Variants in CTNNA3 observed in about 807,000 individuals in gnomAD.
The protein encoded by CTNNA3 is catenin alpha-3.
In CTNNA3, 76 loss-of-function variants were observed where a neutral mutation model predicts 95.7. The ratio of observed to expected loss-of-function variants is 0.79; its 90% CI spans 0.66 to 0.96. CTNNA3 has a LOEUF of 0.96. CTNNA3 is among the 40% of genes least tolerant of loss of function. CTNNA3 has a pLI of 0.00. For missense variants in CTNNA3, 1,191 were observed against 1,089.8 expected, an observed-to-expected ratio of 1.09 and a Z score of -1.31; for synonymous variants, 431 against 374.4, an observed-to-expected ratio of 1.15 and a Z score of -1.74.
At chr10:67,097,499 A>G in intron 7 of CTNNA3, 1 of 1,116,084 alleles carries the variant, frequency 9.0e-7, no homozygotes. Context: ...CATGGAGGTT[A>G]GTCAGGTCAG....
Position 66,188,595 on chromosome 10 carries a change from C to CTGTGTGTGTG in CTNNA3, c.1885-85356_1885-85347dup, listed in dbSNP as rs71035114. ...GTGTGTGTGGGGGGAGGGGGGGTCT[C>CTGTGTGTGTG]TGTGTGTGTGTGTGTGTGTGTGTGT... On this transcript the variant is annotated intron_variant, in intron 13 of 17. Coordinates refer to ENST00000433211, the MANE Select transcript of CTNNA3 (RefSeq NM_013266.4). Among the ~76,000 whole-genome samples, 758 of 121,062 alleles carry CTGTGTGTGTG rather than the reference C, an allele frequency of 6.3e-3. 7 individuals carry two copies. Among genetic ancestry groups the CTGTGTGTGTG allele is most frequent in the Middle Eastern group, 0.021 (5 of 242 alleles). 79.4% of individuals were successfully genotyped at this position (121,062 alleles called of 152,430 possible). A position where few individuals can be genotyped will look rare whatever the true frequency, so the allele number is the denominator to read the frequency against.
At chr10:67,711,593 T>A (rs1411951566) in intron 1 of CTNNA3, among the ~76,000 whole-genome samples, 2 of 140,608 alleles carry the variant, frequency 1.4e-5, no homozygotes, top group African/African-American at 2.6e-5. Flanking sequence ...TTATTTATTT[T>A]TTATTATACT....
At chr10:66,050,575 G>T (rs2079929671) in intron 15 of CTNNA3, among the ~76,000 whole-genome samples, 1 of 152,068 alleles carries the variant, frequency 6.6e-6, no homozygotes, top group Non-Finnish European at 1.5e-5. Context: ...GGGACGACAG[G>T]CTAGGGCCAC....
chr10:66,069,529 T>A (rs770443052), intron 14 of CTNNA3, 40 bp from the exon 15 acceptor site: 1 of 1,479,792 alleles, frequency 6.8e-7, no homozygotes, highest in East Asian at 2.3e-5. Context: ...CATTCCACTA[T>A]GTCAAAAGCA....
chr10:67,199,938 G>T (rs114420667), intron 6 of CTNNA3, among the ~76,000 whole-genome samples: 1 of 152,060 alleles, frequency 6.6e-6, no homozygotes, highest in Non-Finnish European at 1.5e-5. Flanking sequence ...TTTCTTATCA[G>T]GATATTATAA....
chr10:67,108,435 A>G (rs1423634949), intron 7 of CTNNA3, among the ~76,000 whole-genome samples: 3 of 152,110 alleles, frequency 2.0e-5, no homozygotes, highest in African/African-American at 2.4e-5. Context: ...ATTTTATACT[A>G]TATAATGATA....
intron 7 of CTNNA3, among the ~76,000 whole-genome samples, chr10:66,852,135 T>TA (rs1264163634): frequency 3.3e-5 from 5 of 152,302 alleles, no homozygotes; most frequent in African/African-American, 1.2e-4. Context: ...AACATTATGA[T>TA]AAAAAAGCTC....
chr10:67,534,336 A>C (rs773095525), intron 4 of CTNNA3, among the ~76,000 whole-genome samples: 11 of 152,166 alleles, frequency 7.2e-5, no homozygotes, highest in Non-Finnish European at 1.3e-4. Flanking sequence ...ACTGAAGAAA[A>C]TACCTTAAGG....
intron 16 of CTNNA3, among the ~76,000 whole-genome samples, chr10:65,979,091 T>C (rs1386507604): frequency 6.6e-6 from 1 of 152,188 alleles, no homozygotes; most frequent in Admixed American, 6.5e-5. Flanking sequence ...CCAGAAGTTA[T>C]ATATGCTGTT....
chr10:66,068,181 T>C (rs1172212985), intron 15 of CTNNA3, among the ~76,000 whole-genome samples: 1 of 152,104 alleles, frequency 6.6e-6, no homozygotes, highest in East Asian at 1.9e-4. Context: ...ATTTTTCAAA[T>C]ATTTGTCTGC....
Position 66,003,329 on chromosome 10 carries a change from G to GGT in CTNNA3, c.2160-14534_2160-14533dup, listed in dbSNP as rs376512211. 5.5e-3 allele frequency among the ~76,000 whole-genome samples: 820 copies of GGT among 149,926 alleles called. 2 individuals are homozygous for GGT. Among genetic ancestry groups the GGT allele is most frequent in the African/African-American group, 0.014 (579 of 40,918 alleles). On this transcript the variant is annotated intron_variant, in intron 15 of 17. Transcript: ENST00000433211. ...TGGTGGCGGTGGTGGTGGTGGTGGT[G>GGT]GTGTGTGTGTGTGTGTGTGGAGAGA...
intron 5 of CTNNA3, among the ~76,000 whole-genome samples, chr10:67,401,843 T>C (rs866009791): frequency 2.8e-4 from 43 of 152,334 alleles, no homozygotes; most frequent in Middle Eastern, 3.4e-3. Context: ...ATCACTTTAC[T>C]AATCCTGCCC....
At chr10:66,315,527 T>G (rs2092089111) in intron 12 of CTNNA3, among the ~76,000 whole-genome samples, 1 of 151,762 alleles carries the variant, frequency 6.6e-6, no homozygotes. Flanking sequence ...TGTGTGTGTG[T>G]GTGTAAATAA....
chr10:66,342,775 T>G (rs191234144), intron 12 of CTNNA3, among the ~76,000 whole-genome samples: 61 of 152,166 alleles, frequency 4.0e-4, no homozygotes, highest in Non-Finnish European at 7.4e-4. Flanking sequence ...ACAGGATCCT[T>G]TATTTCTCTT....
intron 15 of CTNNA3, among the ~76,000 whole-genome samples, chr10:66,053,186 T>G (rs1373706344): frequency 6.6e-6 from 1 of 151,272 alleles, no homozygotes; most frequent in African/African-American, 2.4e-5. Flanking sequence ...GAGATCACCT[T>G]TTTCTATAAA....
chr10:66,084,772 C>G (rs1484716748), intron 14 of CTNNA3: 1 of 152,094 alleles, frequency 6.6e-6, no homozygotes, highest in East Asian at 1.9e-4. Context: ...TTGTTCGGGT[C>G]AATTTGTAAA....
At chr10:67,685,977 T>A (rs1448004274) in intron 1 of CTNNA3, among the ~76,000 whole-genome samples, 2 of 152,348 alleles carry the variant, frequency 1.3e-5, no homozygotes, top group Non-Finnish European at 2.9e-5. Context: ...TCTTTGACTT[T>A]GTCTCTCTCT....
intron 5 of CTNNA3, among the ~76,000 whole-genome samples, chr10:67,412,266 CCTT>C (rs1201317682): frequency 2.6e-5 from 4 of 151,906 alleles, no homozygotes; most frequent in Non-Finnish European, 4.4e-5. Context: ...CATGTCTTTG[CCTT>C]CTTGTTTCAT....
At chr10:67,724,513 G>C (rs982874821) in intron 1 of CTNNA3, among the ~76,000 whole-genome samples, 24 of 152,118 alleles carry the variant, frequency 1.6e-4, no homozygotes, top group African/African-American at 5.6e-4. Flanking sequence ...CCCACCCCAA[G>C]TGTTCCATAG....
Sources: gnomAD v4.1 joint callset for allele counts (sites outside exome capture counted in the v4.1 genomes callset) on GRCh38, gnomAD v4.1.1 for gene constraint, MANE v1.5 for transcripts, NCBI Gene and HGNC (gene_info 2026-07-23, HGNC 2026-07-21) for gene names.